SDK1: variants seen among roughly 807,000 people sequenced by gnomAD.
SDK1 encodes the protein sidekick cell adhesion molecule 1.
Under a neutral mutation model 245.5 loss-of-function variants are expected in SDK1, and 157 were observed. The ratio of observed to expected loss-of-function variants is 0.64; its 90% CI spans 0.56 to 0.73. The LOEUF (loss-of-function observed/expected upper bound fraction) is 0.73. Ranked by LOEUF, SDK1 falls within the 30% of genes least tolerant of loss-of-function variation. The pLI, the probability that SDK1 is intolerant of heterozygous loss-of-function variation, is 0.00. For synonymous variants in SDK1, 1,647 were observed against 1,278.5 expected (o/e 1.29, Z -6.15); for missense variants, 3,583 against 3,002.3 (o/e 1.19, Z -4.52).
At chr7:4,155,048 G>T (rs1312809077) in intron 30 of SDK1, among the ~76,000 whole-genome samples, 1 of 151,902 alleles carries the variant, frequency 6.6e-6, no homozygotes, top group Non-Finnish European at 1.5e-5. Context: ...GAGGCAGGTT[G>T]GGGTGAGTGC....
intron 1 of SDK1, among the ~76,000 whole-genome samples, chr7:3,572,043 A>G (rs752361707): frequency 2.0e-5 from 3 of 152,094 alleles, no homozygotes; most frequent in African/African-American, 2.4e-5. Flanking sequence ...CTAACTATCA[A>G]TGCCAAACAG....
chr7:4,137,571 G>C (rs1779176134), intron 28 of SDK1, among the ~76,000 whole-genome samples: 1 of 152,156 alleles, frequency 6.6e-6, no homozygotes, highest in South Asian at 2.1e-4. Context: ...ACCCACTCAG[G>C]CCTCTCACTT....
At position 3,472,607 on chromosome 7, in the gene SDK1, C is replaced by G. The variant is rs1781219396; in HGVS notation, c.299-146473C>G. On this transcript the variant is annotated intron_variant, in intron 1 of 44. Transcript: ENST00000404826. ...GGTAAAAATGATTACTTCCCTATGTCAAGGCCTGAAATACACAGGATGTTA... is the reference window on the plus strand; with the variant it reads ...GGTAAAAATGATTACTTCCCTATGTGAAGGCCTGAAATACACAGGATGTTA... Among the ~76,000 whole-genome samples, 4 of 152,302 alleles carry G rather than the reference C, an allele frequency of 2.6e-5. No homozygotes were observed. The South Asian group carries it at 8.3e-4, about 32-fold the overall frequency.
At chr7:3,435,454 C>T (rs1779995146) in intron 1 of SDK1, among the ~76,000 whole-genome samples, 1 of 150,246 alleles carries the variant, frequency 6.7e-6, no homozygotes, top group African/African-American at 2.5e-5. Flanking sequence ...CCTCAGGCTC[C>T]TGAGTAGCTG....
intron 14 of SDK1, among the ~76,000 whole-genome samples, chr7:4,001,501 GTC>G (rs1361160453): frequency 1.8e-4 from 28 of 152,234 alleles, no homozygotes; most frequent in Non-Finnish European, 3.1e-4. Context: ...GATGTAAGCA[GTC>G]TACGGCCTCA....
At chr7:3,374,979 A>C (rs1429971936) in intron 1 of SDK1, among the ~76,000 whole-genome samples, 1 of 152,176 alleles carries the variant, frequency 6.6e-6, no homozygotes, top group Non-Finnish European at 1.5e-5. Context: ...AACACCTGTA[A>C]TTGTATGTGC....
At chr7:3,793,650 CTG>C (rs950013945) in intron 4 of SDK1, among the ~76,000 whole-genome samples, 1 of 152,176 alleles carries the variant, frequency 6.6e-6, no homozygotes, top group African/African-American at 2.4e-5. Flanking sequence ...AAGCTACAAA[CTG>C]TATCTTTCTA....
intron 5 of SDK1, among the ~76,000 whole-genome samples, chr7:3,915,473 G>C (rs896180107): frequency 6.6e-6 from 1 of 152,204 alleles, no homozygotes; most frequent in African/African-American, 2.4e-5. Context: ...CATGAGATCG[G>C]ATGGTTTTCT....
rs373730438 is a variant in SDK1 at position 3,312,616 on chromosome 7, GTAGA to G, written c.298+10735_298+10738del. Reference sequence around the variant, plus strand: ...CTCAATGGACAGGTTAAAGAGCCAGGTAGATATAATTGAAGATAAAAACTGTATT... The same window carrying G: ...CTCAATGGACAGGTTAAAGAGCCAGGTATAATTGAAGATAAAAACTGTATT... On this transcript the variant is annotated intron_variant, in intron 1 of 44. Transcript: ENST00000404826. Among the ~76,000 whole-genome samples the G allele has an allele frequency of 4.7e-3, 709 of 152,068 alleles. 5 individuals carry two copies. Among genetic ancestry groups the G allele is most frequent in the African/African-American group, 0.016 (680 of 41,470 alleles).
chr7:3,512,894 A>G (rs1782627785), intron 1 of SDK1, among the ~76,000 whole-genome samples: 1 of 152,136 alleles, frequency 6.6e-6, no homozygotes, highest in Non-Finnish European at 1.5e-5. Flanking sequence ...TGTAATTATA[A>G]TGAGATTTGA....
intron 1 of SDK1, among the ~76,000 whole-genome samples, chr7:3,617,279 T>C (rs1169096893): frequency 6.6e-6 from 1 of 152,242 alleles, no homozygotes; most frequent in African/African-American, 2.4e-5. Flanking sequence ...GGCATTGTTC[T>C]AGGTGCTAGG....
chr7:3,817,374 TAG>T (rs1274412695), intron 4 of SDK1, among the ~76,000 whole-genome samples: 1 of 152,222 alleles, frequency 6.6e-6, no homozygotes, highest in East Asian at 1.9e-4. Flanking sequence ...TGGTTCAGGT[TAG>T]TGTCTCCTCC....
At chr7:3,984,271 C>T (rs571433136) in intron 13 of SDK1, among the ~76,000 whole-genome samples, 3 of 152,156 alleles carry the variant, frequency 2.0e-5, no homozygotes, top group South Asian at 2.1e-4. Flanking sequence ...GAAGCTGCCC[C>T]GTGAGTAGCC....
intron 2 of SDK1, among the ~76,000 whole-genome samples, chr7:3,628,113 C>A (rs1782175966): frequency 6.6e-6 from 1 of 152,082 alleles, no homozygotes; most frequent in South Asian, 2.1e-4. Context: ...AGTGTGACAT[C>A]TTCATTTTCC....
chr7:3,390,153 A>G (rs1029726250), intron 1 of SDK1, among the ~76,000 whole-genome samples: 2 of 152,160 alleles, frequency 1.3e-5, no homozygotes. Context: ...CTTGCTGCTT[A>G]TAGTAAAATG....
rs546645534 is a variant in SDK1, at chr7:3,853,869, G to A, written c.847+32286G>A. ...CTAGGCTTGGTGGCGCACCCCTGTA[G>A]TCCCAGCTACTCGAGAAGCTGAGGC... On this transcript the variant is annotated intron_variant, in intron 5 of 44. Transcript: ENST00000404826. Among the ~76,000 whole-genome samples, 116 of 152,148 alleles carry A rather than the reference G, an allele frequency of 7.6e-4. 1 individual carries two copies. The highest frequency in any genetic ancestry group is 2.4e-3 in the African/African-American group (99 of 41,520).
At chr7:4,039,295 A>C (rs1280443387) in intron 17 of SDK1, among the ~76,000 whole-genome samples, 1 of 146,098 alleles carries the variant, frequency 6.8e-6, no homozygotes, top group Admixed American at 6.8e-5. Flanking sequence ...GAAAACTTAA[A>C]GTATAATAAA....
intron 2 of SDK1, among the ~76,000 whole-genome samples, chr7:3,631,672 A>G (rs751175177): frequency 6.6e-6 from 1 of 152,226 alleles, no homozygotes; most frequent in Non-Finnish European, 1.5e-5. Context: ...GTCATAACAG[A>G]TATGAATGTT....
At chr7:3,967,493 C>T in intron 10 of SDK1, 59 bp downstream of exon 10, 1 of 1,015,484 alleles carries the variant, frequency 9.8e-7, no homozygotes, top group Non-Finnish European at 1.6e-6. Flanking sequence ...CCTATCGGGC[C>T]AGTGCTTGCT....
Sources: gnomAD v4.1 joint callset for allele counts (sites outside exome capture counted in the v4.1 genomes callset) on GRCh38, gnomAD v4.1.1 for gene constraint, MANE v1.5 for transcripts, NCBI Gene and HGNC (gene_info 2026-07-23, HGNC 2026-07-21) for gene names.